Variants in SRPK2 observed in about 807,000 individuals in gnomAD.
The protein encoded by SRPK2 is SRSF protein kinase 2.
Under a neutral mutation model 90.8 loss-of-function variants are expected in SRPK2, and 21 were observed. The observed-to-expected ratio is 0.23, with a 90% CI of 0.16 to 0.33. The LOEUF (loss-of-function observed/expected upper bound fraction) is 0.33, where lower values mean the gene tolerates loss of function less well. Ranked by LOEUF, SRPK2 falls within the 10% of genes least tolerant of loss-of-function variation. The pLI is 1.00. For synonymous variants in SRPK2, 288 were observed against 311.1 expected (o/e 0.93, Z 0.78); for missense variants, 620 against 869.0 (o/e 0.71, Z 3.60).
At chr7:105,198,942 A>G (rs1284583775) in intron 3 of SRPK2, among the ~76,000 whole-genome samples, 1 of 152,226 alleles carries the variant, frequency 6.6e-6, no homozygotes, top group African/African-American at 2.4e-5. Context: ...GAGATCTAAG[A>G]TAACGCGAGT....
chr7:105,196,136 C>T (rs923522125), intron 3 of SRPK2, among the ~76,000 whole-genome samples: 3 of 152,170 alleles, frequency 2.0e-5, no homozygotes, highest in African/African-American at 7.2e-5. Context: ...CCTTGGTCTC[C>T]ATAAAAGAAA....
intron 2 of SRPK2, among the ~76,000 whole-genome samples, chr7:105,208,891 G>A (rs1425038607): frequency 1.4e-4 from 22 of 152,138 alleles, no homozygotes; most frequent in Non-Finnish European, 3.1e-4. Context: ...GGACACTGAG[G>A]CAGGAGGATC....
intron 2 of SRPK2, among the ~76,000 whole-genome samples, chr7:105,318,061 G>C (rs1046049150): frequency 2.0e-5 from 3 of 151,930 alleles, no homozygotes; most frequent in Non-Finnish European, 2.9e-5. Context: ...CGAGCCAAAA[G>C]CATACATTCT....
At chr7:105,165,850 T>C (rs189697193) in intron 6 of SRPK2, among the ~76,000 whole-genome samples, 35 of 152,370 alleles carry the variant, frequency 2.3e-4, no homozygotes, top group Non-Finnish European at 1.0e-4. Flanking sequence ...GCTCACTTTT[T>C]GGGTCCACAC....
chr7:105,276,601 T>C (rs983370930), intron 2 of SRPK2, among the ~76,000 whole-genome samples: 6 of 150,544 alleles, frequency 4.0e-5, no homozygotes, highest in Admixed American at 4.0e-4. Context: ...TAGGTAAGCA[T>C]GGTGACATGC....
intron 2 of SRPK2, among the ~76,000 whole-genome samples, chr7:105,220,261 G>A (rs541210162): frequency 6.6e-5 from 10 of 152,060 alleles, no homozygotes; most frequent in Admixed American, 2.6e-4. Flanking sequence ...AGCTTGTGCC[G>A]GGTGTGGTGG....
At chr7:105,339,580 C>A (rs186262902) in intron 2 of SRPK2, among the ~76,000 whole-genome samples, 1 of 152,350 alleles carries the variant, frequency 6.6e-6, no homozygotes, top group Admixed American at 6.5e-5. Context: ...AATGGCATCT[C>A]TCCAAGTATG....
intron 2 of SRPK2, among the ~76,000 whole-genome samples, chr7:105,314,519 G>A (rs1342246843): frequency 6.6e-6 from 1 of 152,004 alleles, no homozygotes; most frequent in Admixed American, 6.5e-5. Context: ...GAGTAGCTGG[G>A]ACTACAGGTG....
chr7:105,310,122 C>A (rs1811546487), intron 2 of SRPK2, among the ~76,000 whole-genome samples: 1 of 152,108 alleles, frequency 6.6e-6, no homozygotes, highest in Admixed American at 6.5e-5. Flanking sequence ...GCAGAGAAAA[C>A]ATGGAACACA....
At chr7:105,291,062 A>AG (rs1450008662) in intron 2 of SRPK2, among the ~76,000 whole-genome samples, 6 of 150,414 alleles carry the variant, frequency 4.0e-5, no homozygotes, top group African/African-American at 1.5e-4. Context: ...AAAAAAAAAA[A>AG]AAAGAAATGA....
chr7:105,364,405 G>GTTTTTTTGTT (rs1554523243), intron 2 of SRPK2, among the ~76,000 whole-genome samples: 2 of 133,906 alleles, frequency 1.5e-5, no homozygotes, highest in Non-Finnish European at 3.1e-5. Flanking sequence ...CGTGTGTAAC[G>GTTTTTTTGTT]TTTTTTTTTT....
intron 15 of SRPK2, among the ~76,000 whole-genome samples, chr7:105,120,937 A>T (rs2129571844): frequency 6.6e-6 from 1 of 152,362 alleles, no homozygotes; most frequent in Non-Finnish European, 1.5e-5. Flanking sequence ...GATGCCCAAG[A>T]AATGTAGCCA....
chr7:105,129,832 A>C (rs1050985463), intron 13 of SRPK2, among the ~76,000 whole-genome samples: 18 of 152,170 alleles, frequency 1.2e-4, no homozygotes, highest in Non-Finnish European at 2.9e-5. Flanking sequence ...ATGCTGAAGT[A>C]TCCCGATTCT....
intron 2 of SRPK2, chr7:105,268,708 C>T: frequency 7.3e-6 from 10 of 1,374,602 alleles, no homozygotes; most frequent in South Asian, 1.3e-5. Flanking sequence ...CAGGACAATA[C>T]GTTATATAGC....
intron 3 of SRPK2, among the ~76,000 whole-genome samples, chr7:105,172,073 T>C (rs564195050): frequency 2.0e-4 from 31 of 152,228 alleles, no homozygotes; most frequent in Middle Eastern, 3.4e-3. Context: ...TTTGCGTTTT[T>C]AGTAGAGACA....
At chr7:105,200,383 G>A (rs1308587800) in intron 3 of SRPK2, among the ~76,000 whole-genome samples, 2 of 152,070 alleles carry the variant, frequency 1.3e-5, no homozygotes, top group Non-Finnish European at 2.9e-5. Flanking sequence ...GGGCTCCTAA[G>A]AACAAAATTT....
At chr7:105,308,138 G>A (rs1811338146) in intron 2 of SRPK2, among the ~76,000 whole-genome samples, 1 of 152,118 alleles carries the variant, frequency 6.6e-6, no homozygotes, top group African/African-American at 2.4e-5. Context: ...TGCTCTACCT[G>A]GAGGTCCTAA....
At chr7:105,365,486 TCA>T (rs1818927458) in intron 2 of SRPK2, among the ~76,000 whole-genome samples, 13 of 50,130 alleles carry the variant, frequency 2.6e-4, no homozygotes, top group African/African-American at 1.7e-3. Flanking sequence ...AAATTCTGTC[TCA>T]AAAAAAAAAA....
intron 2 of SRPK2, among the ~76,000 whole-genome samples, chr7:105,218,275 C>T (rs369258489): frequency 3.3e-5 from 5 of 152,288 alleles, no homozygotes; most frequent in East Asian, 3.9e-4. Context: ...CTATTTCTTT[C>T]GGAAGCTATA....
Sources: allele counts gnomAD v4.1 joint callset (sites outside exome capture counted in the v4.1 genomes callset), GRCh38; gene constraint gnomAD v4.1.1; transcripts MANE v1.5; gene names NCBI Gene and HGNC (gene_info 2026-07-23, HGNC 2026-07-21).